Variants in PREX2 observed in about 807,000 individuals in gnomAD.
The protein encoded by PREX2 is phosphatidylinositol-3,4,5-trisphosphate dependent Rac exchange factor 2.
In PREX2, 107 loss-of-function variants were observed where a neutral mutation model predicts 203.2. The ratio of observed to expected loss-of-function variants is 0.53; its 90% confidence interval spans 0.45 to 0.62. The LOEUF is 0.62. PREX2 is among the 20% of genes least tolerant of loss of function. PREX2 has a pLI of 0.00. For missense variants in PREX2, 1,777 were observed against 1,955.9 expected (o/e 0.91, Z 1.72); for synonymous variants, 672 against 663.6 (o/e 1.01, Z -0.19).
chr8:68,079,244 G>T (rs1410630842), intron 15 of PREX2, among the ~76,000 whole-genome samples: 2 of 152,186 alleles, frequency 1.3e-5, no homozygotes, highest in Non-Finnish European at 2.9e-5. Context: ...GTGGTTGATA[G>T]TTTCGTTTGT....
chr8:68,000,413 G>A (rs1369203611), intron 1 of PREX2, among the ~76,000 whole-genome samples: 1 of 151,986 alleles, frequency 6.6e-6, no homozygotes, highest in African/African-American at 2.4e-5. Context: ...TCTCTACAAT[G>A]GGAATTACAA....
intron 35 of PREX2, among the ~76,000 whole-genome samples, chr8:68,180,775 G>T (rs546920884): frequency 2.0e-5 from 3 of 152,102 alleles, no homozygotes; most frequent in Admixed American, 6.6e-5. Flanking sequence ...AGTCATTGGC[G>T]TCCTTAGAGG....
intron 35 of PREX2, among the ~76,000 whole-genome samples, chr8:68,186,053 C>T (rs1424141502): frequency 8.1e-6 from 1 of 122,940 alleles, no homozygotes; most frequent in African/African-American, 3.3e-5. Flanking sequence ...ATATTTATGT[C>T]CTGTCCACAG....
intron 22 of PREX2, among the ~76,000 whole-genome samples, chr8:68,097,834 G>A (rs1810130502): frequency 6.6e-6 from 1 of 152,216 alleles, no homozygotes; most frequent in Non-Finnish European, 1.5e-5. Context: ...TTTCATGACA[G>A]ATGCTACTTT....
intron 37 of PREX2, among the ~76,000 whole-genome samples, chr8:68,216,974 A>C (rs531230364): frequency 7.9e-5 from 12 of 151,854 alleles, no homozygotes; most frequent in Admixed American, 4.6e-4. Context: ...AAAACAAAAA[A>C]AAAAAAAAAA....
At chr8:67,979,956 C>A (rs1806218530) in intron 1 of PREX2, among the ~76,000 whole-genome samples, 1 of 152,132 alleles carries the variant, frequency 6.6e-6, no homozygotes, top group Non-Finnish European at 1.5e-5. Context: ...CAGACACTTA[C>A]AATATGCCAT....
At chr8:68,141,576 A>G (rs1563563227) in intron 33 of PREX2, among the ~76,000 whole-genome samples, 1 of 152,224 alleles carries the variant, frequency 6.6e-6, no homozygotes, top group African/African-American at 2.4e-5. Context: ...CAGCCCTTCA[A>G]GGGGTGACTG....
intron 6 of PREX2, among the ~76,000 whole-genome samples, chr8:68,034,632 A>G (rs1380871120): frequency 6.6e-6 from 1 of 152,150 alleles, no homozygotes; most frequent in Non-Finnish European, 1.5e-5. Context: ...GAGACACAGA[A>G]AGAAATTGGA....
At chr8:68,195,371 A>G (rs1812374191) in intron 37 of PREX2, among the ~76,000 whole-genome samples, 1 of 152,244 alleles carries the variant, frequency 6.6e-6, no homozygotes, top group Admixed American at 6.5e-5. Context: ...ACATTTACCA[A>G]GCTGTAGACA....
intron 23 of PREX2, among the ~76,000 whole-genome samples, chr8:68,101,139 T>C (rs546646792): frequency 6.6e-6 from 1 of 152,316 alleles, no homozygotes; most frequent in South Asian, 2.1e-4. Flanking sequence ...ATATTCTTTA[T>C]CTCAATATAT....
intron 18 of PREX2, among the ~76,000 whole-genome samples, chr8:68,087,311 C>T (rs968040615): frequency 1.3e-5 from 2 of 151,988 alleles, no homozygotes; most frequent in Non-Finnish European, 2.9e-5. Flanking sequence ...CACTTGAGTT[C>T]AGTAATTTAA....
chr8:68,081,942 C>T (rs1210090917), intron 17 of PREX2, among the ~76,000 whole-genome samples: 5 of 151,982 alleles, frequency 3.3e-5, no homozygotes, highest in African/African-American at 1.2e-4. Context: ...AGTGATCTGC[C>T]CACCTCAGCC....
intron 11 of PREX2, among the ~76,000 whole-genome samples, chr8:68,061,780 G>T (rs1307907774): frequency 2.0e-5 from 3 of 152,106 alleles, no homozygotes; most frequent in African/African-American, 7.2e-5. Flanking sequence ...AGAGTTTGGG[G>T]TGAAGCTCAG....
At chr8:68,162,676 A>G (rs940438067) in intron 35 of PREX2, among the ~76,000 whole-genome samples, 2 of 152,146 alleles carry the variant, frequency 1.3e-5, no homozygotes, top group African/African-American at 4.8e-5. Flanking sequence ...TGTGAAGAGT[A>G]TGATTGGAGG....
intron 35 of PREX2, among the ~76,000 whole-genome samples, chr8:68,166,402 A>T (rs1254729859): frequency 6.6e-6 from 1 of 152,162 alleles, no homozygotes; most frequent in Non-Finnish European, 1.5e-5. Flanking sequence ...AGCAAAATTA[A>T]TATAAGTAGA....
intron 1 of PREX2, among the ~76,000 whole-genome samples, chr8:67,974,404 T>G (rs933473423): frequency 5.6e-5 from 7 of 124,120 alleles, no homozygotes; most frequent in Non-Finnish European, 8.8e-5. Flanking sequence ...ATTTTAAAAG[T>G]GAAAATTGAT....
Position 68,017,886 on chromosome 8 carries a change from T to C in PREX2, c.182T>C (p.Val61Ala), listed in dbSNP as rs1807450572. Residue 61 changes from valine (V) to alanine (A), a missense_variant, in exon 2 of 40, where the codon GTT (valine) becomes GCT (alanine). By Grantham distance (64) the Val-to-Ala change is moderately conservative. Coordinates refer to ENST00000288368, the MANE Select transcript of PREX2 (RefSeq NM_024870.4). ...HRMNQCAASK[V>A]DKNVTEETVK... is the part of the protein sequence containing the mutation. ...ATGAACCAGTGTGCAGCATCAAAAG[T>C]TGACAAAAATGTGACAGAAGAAACA... is the stretch of plus-strand genomic sequence containing the variant. 9.3e-6 allele frequency: 15 copies of C among 1,612,910 alleles called. No homozygotes were observed. Among genetic ancestry groups the C allele is most frequent in the Non-Finnish European group, 1.2e-5 (14 of 1,179,256 alleles).
intron 22 of PREX2, among the ~76,000 whole-genome samples, 161 bp downstream of exon 22, chr8:68,097,362 T>C (rs1232036836): frequency 6.6e-6 from 1 of 151,716 alleles, no homozygotes; most frequent in African/African-American, 2.4e-5. Flanking sequence ...TATCACTCTG[T>C]CACCCAGGTG....
intron 32 of PREX2, among the ~76,000 whole-genome samples, chr8:68,138,075 G>A (rs1354989017): frequency 3.3e-5 from 5 of 152,152 alleles, no homozygotes; most frequent in Admixed American, 6.5e-5. Context: ...TAGAAGTTTA[G>A]ATGCAAATAG....
Sources: gnomAD v4.1 joint callset for allele counts (sites outside exome capture counted in the v4.1 genomes callset) on GRCh38, gnomAD v4.1.1 for gene constraint, MANE v1.5 for transcripts, NCBI Gene and HGNC (gene_info 2026-07-23, HGNC 2026-07-21) for gene names.